Variants in HNRNPUL1 observed in about 807,000 individuals in gnomAD.
The protein encoded by HNRNPUL1 is heterogeneous nuclear ribonucleoprotein U-like protein 1.
A neutral mutation model predicts 108.5 loss-of-function variants in HNRNPUL1; 14 were observed. The ratio of observed to expected loss-of-function variants is 0.13; its 90% CI spans 0.09 to 0.20. The LOEUF (loss-of-function observed/expected upper bound fraction) is 0.20. Ranked by LOEUF, HNRNPUL1 falls within the 10% of genes least tolerant of loss-of-function variation. The pLI is 1.00. For missense variants in HNRNPUL1, 804 were observed against 1,168.3 expected (o/e 0.69, Z 4.55); for synonymous variants, 422 against 445.2 (o/e 0.95, Z 0.66).
At position 41,294,704 on chromosome 19, in the gene HNRNPUL1, T is replaced by C. The variant is rs1599837215; in HGVS notation, c.1518+18T>C. 1 of 1,613,716 alleles carries C rather than the reference T, an allele frequency of 6.2e-7. No homozygotes were observed. Among genetic ancestry groups the C allele is most frequent in the Non-Finnish European group, 8.5e-7 (1 of 1,179,802 alleles). On this transcript the variant is annotated intron_variant, in intron 10 of 14. Coordinates refer to ENST00000392006, the MANE Select transcript of HNRNPUL1 (RefSeq NM_007040.6). The surrounding 1 kb of genome is among the most constrained non-coding windows in gnomAD (Gnocchi z 4.3). ...TAGATCAGGTACTTAATGATGACCA[T>C]TGTGTCCTCAGGAGAAGGGAGGGGA...
At chr19:41,278,292 C>T (rs2035694869) in intron 5 of HNRNPUL1, 2 of 151,928 alleles carry the variant, frequency 1.3e-5, no homozygotes, top group South Asian at 4.1e-4. Flanking sequence ...AACTCCTGAC[C>T]TCAGGTGATC....
intron 1 of HNRNPUL1, among the ~76,000 whole-genome samples, chr19:41,267,689 G>A (rs1206606152): frequency 6.6e-6 from 1 of 152,248 alleles, no homozygotes; most frequent in African/African-American, 2.4e-5. Flanking sequence ...ATAGCCACTG[G>A]TAGGGCCCTT....
At position 41,304,253 on chromosome 19, in the gene HNRNPUL1, C is replaced by T; in HGVS notation, c.2254C>T (p.Pro752Ser). The change falls in exon 13 of 15, where the codon CCT becomes TCT. Residue 752 changes from proline to serine, a missense_variant. Physicochemically the swap from Pro to Ser is moderately conservative, Grantham distance 74 (BLOSUM62 -1). Coordinates refer to ENST00000392006, the MANE Select transcript of HNRNPUL1 (RefSeq NM_007040.6). ...CACCCCCACCGTCAGCAGCTACAGC[C>T]CTCCACAGGTGAGAGAATGAGTGTG... is the stretch of plus-strand genomic sequence containing the variant. The part of the protein sequence containing the change: ...TSTPTVSSYS[P>S]PQPSYSQPPY... The T allele has an allele frequency of 6.2e-7, 1 of 1,606,276 alleles. No individual in the cohort carries two copies.
chr19:41,264,916 G>T (rs2034717471), intron 1 of HNRNPUL1, 118 bp downstream of exon 1: 1 of 1,339,026 alleles, frequency 7.5e-7, no homozygotes, highest in African/African-American at 1.5e-5. Context: ...GGGGGATCCC[G>T]CTACCCGCCG....
At chr19:41,286,816 C>T (rs1181917442) in intron 7 of HNRNPUL1, 2 of 142,964 alleles carry the variant, frequency 1.4e-5, no homozygotes, top group African/African-American at 2.6e-5. Flanking sequence ...TCCCCGGGTT[C>T]AAACGATTTT....
rs1286404007 is a variant in HNRNPUL1 at position 41,294,478 on chromosome 19, ACTCT to A, written c.1389+20_1389+23del. The A allele has an allele frequency of 1.9e-6, 3 of 1,613,822 alleles. No homozygotes were observed. In the South Asian group the frequency reaches 3.3e-5, roughly 18 times the overall value. On this transcript the variant is annotated intron_variant, in intron 9 of 14. Coordinates refer to ENST00000392006, the MANE Select transcript of HNRNPUL1 (RefSeq NM_007040.6). This position sits in a 1 kb window ranked among gnomAD's most constrained non-coding sequence, Gnocchi z 4.3. The stretch of plus-strand genomic sequence containing the variant: ...AGATGCGGGTAAGGCCAGCCACTGG[ACTCT>A]CCTTACTCACCTCCAACCTACTGAG...
At chr19:41,280,002 C>A (rs1000331310) in intron 6 of HNRNPUL1, among the ~76,000 whole-genome samples, 2 of 152,114 alleles carry the variant, frequency 1.3e-5, no homozygotes, top group African/African-American at 4.8e-5. Context: ...TTTATAGTTG[C>A]ATTATTTAAC....
intron 10 of HNRNPUL1, among the ~76,000 whole-genome samples, chr19:41,295,771 C>T (rs972248348): frequency 2.0e-5 from 3 of 152,162 alleles, no homozygotes; most frequent in Admixed American, 1.3e-4. Context: ...GTGGGGACAG[C>T]GTTTGGCTTT....
At position 41,302,745 on chromosome 19, in the gene HNRNPUL1, C is replaced by G; in HGVS notation, c.1768C>G (p.Leu590Val). 6.2e-7 allele frequency: 1 copy of G among 1,614,186 alleles called. No homozygotes were observed. The highest frequency in any genetic ancestry group is 8.5e-7 in the Non-Finnish European group (1 of 1,180,018). Residue 590 changes from leucine to valine, a missense_variant, in exon 12 of 15, where the codon CTA becomes GTA. Around this residue, in one of 4 missense-constraint regions of HNRNPUL1, gnomAD observed 294 missense variants for 388.3 expected, o/e 0.76. Transcript: ENST00000392006. ...IELQREEADK[L>V]VRQYNEEGRK... is the part of the protein sequence containing the mutation. ...GCTGCAGCGGGAGGAAGCGGACAAG[C>G]TAGTGAGGCAGTACAACGAGGAAGG...
At chr19:41,277,106 AAAC>A (rs1407202062) in intron 5 of HNRNPUL1, among the ~76,000 whole-genome samples, 16 of 147,816 alleles carry the variant, frequency 1.1e-4, no homozygotes, top group African/African-American at 3.4e-4. Flanking sequence ...CAAAAAAAAA[AAAC>A]AAAAAAACAA....
intron 10 of HNRNPUL1, among the ~76,000 whole-genome samples, chr19:41,295,205 G>A (rs2036818053): frequency 6.6e-6 from 1 of 152,118 alleles, no homozygotes. Context: ...TGCTATTATT[G>A]CTTCCGTCAT....
Position 41,294,736 on chromosome 19 carries a change from G to T in HNRNPUL1, c.1518+50G>T. The T allele has an allele frequency of 6.2e-7, 1 of 1,603,860 alleles. No homozygotes were observed. On this transcript the variant is annotated intron_variant, in intron 10 of 14. Transcript: ENST00000392006. The surrounding 1 kb of genome is among the most constrained non-coding windows in gnomAD (Gnocchi z 4.3). ...CTCAGGAGAAGGGAGGGGACCCCTTGCATGCCTGAGAATCTCCCTCTGGTC... is the reference window on the plus strand; with the variant it reads ...CTCAGGAGAAGGGAGGGGACCCCTTTCATGCCTGAGAATCTCCCTCTGGTC...
At chr19:41,268,854 C>G (rs1001679268) in intron 2 of HNRNPUL1, among the ~76,000 whole-genome samples, 36 of 151,558 alleles carry the variant, frequency 2.4e-4, no homozygotes, top group Admixed American at 1.1e-3. Flanking sequence ...AAGAGTGAAA[C>G]TGCATCTCAA....
chr19:41,283,173 T>A (rs1424054049), intron 7 of HNRNPUL1, among the ~76,000 whole-genome samples: 9 of 152,188 alleles, frequency 5.9e-5, no homozygotes, highest in Non-Finnish European at 1.3e-4. Context: ...CACAAATCTA[T>A]TACAAAAAGT....
chr19:41,303,457 C>T (rs1459351028), intron 12 of HNRNPUL1, among the ~76,000 whole-genome samples: 3 of 150,980 alleles, frequency 2.0e-5, no homozygotes, highest in Non-Finnish European at 2.9e-5. Context: ...GGCATTCAAG[C>T]GATTCTCTCG....
intron 2 of HNRNPUL1, among the ~76,000 whole-genome samples, chr19:41,269,464 T>C (rs117822609): frequency 0.036 from 3,964 of 111,410 alleles, 97 homozygotes; most frequent in Middle Eastern, 0.092. Context: ...TGGGTGACAG[T>C]GCAAGACCCT....
Position 41,306,435 on chromosome 19 carries a change from G to A in HNRNPUL1, c.2455-14G>A, listed in dbSNP as rs764559299. ...GATGCAGGACAACTTGGTGTTCTTG[G>A]TTTCTTTCCCCAGTATGCCCAGCAG... On this transcript the variant is annotated splice_polypyrimidine_tract_variant and intron_variant, in intron 14 of 14. Transcript: ENST00000392006. 1.9e-6 allele frequency: 3 copies of A among 1,556,878 alleles called. No individual in the cohort carries two copies. The highest frequency in any genetic ancestry group is 2.4e-5 in the South Asian group (2 of 83,304).
chr19:41,301,765 TTACTC>T, intron 11 of HNRNPUL1, 61 bp downstream of exon 11: 14 of 1,449,338 alleles, frequency 9.7e-6, no homozygotes, highest in Non-Finnish European at 1.3e-5. Flanking sequence ...AAGAAGCTCT[TTACTC>T]AGTTTGTCCT....
intron 1 of HNRNPUL1, chr19:41,265,012 C>T: frequency 2.9e-6 from 4 of 1,391,590 alleles, no homozygotes; most frequent in Non-Finnish European, 3.7e-6. Flanking sequence ...GGGGGAGGGG[C>T]CTCTGGGTTT....
Sources: gnomAD v4.1 joint callset for allele counts (sites outside exome capture counted in the v4.1 genomes callset) on GRCh38, gnomAD v4.1.1 for gene constraint, gnomAD v4.1.1 regional missense constraint, Gnocchi (gnomAD v3.1) non-coding constraint, MANE v1.5 for transcripts, NCBI Gene and HGNC (gene_info 2026-07-23, HGNC 2026-07-21) for gene names.